The following SCN11A variants were observed in gnomAD, a reference collection of about 807,000 sequenced individuals.
SCN11A encodes the protein sodium voltage-gated channel alpha subunit 11, also known as sodium channel protein type 11 subunit alpha.
Under a neutral mutation model 162.2 loss-of-function variants are expected in SCN11A, and 122 were observed. The observed-to-expected ratio is 0.75, with a 90% CI of 0.65 to 0.87. The LOEUF (loss-of-function observed/expected upper bound fraction) is 0.87. Among genes scored for constraint, SCN11A ranks in the 40% least tolerant of loss-of-function variants. The pLI is 0.00. For synonymous variants in SCN11A, 758 were observed against 751.5 expected, an observed-to-expected ratio of 1.01 and a Z score of -0.14; for missense variants, 2,015 against 2,181.6, an observed-to-expected ratio of 0.92 and a Z score of 1.52.
intron 3 of SCN11A, among the ~76,000 whole-genome samples, chr3:38,956,423 A>G (rs1025583890): frequency 2.6e-5 from 4 of 152,180 alleles, no homozygotes; most frequent in African/African-American, 9.7e-5. Flanking sequence ...TCAAAATAAG[A>G]CGTACTTCAA....
intron 26 of SCN11A, 125 bp downstream of exon 26, chr3:38,870,566 C>T (rs2065108981): frequency 1.4e-6 from 1 of 732,580 alleles, no homozygotes; most frequent in South Asian, 2.0e-5. Context: ...GTGTTTTGTT[C>T]CAAAGAAAAC....
In SCN11A at chr3:38,910,198, G is replaced by A; in HGVS notation, c.969C>T (p.Ser323=). 2 of 1,612,418 alleles carry A rather than the reference G, an allele frequency of 1.2e-6. No homozygotes were observed. Among genetic ancestry groups the A allele is most frequent in the Non-Finnish European group, 1.7e-6 (2 of 1,179,064 alleles). Residue 323 remains serine, a synonymous_variant, in exon 12 of 30, where the codon TCC becomes TCT. Transcript: ENST00000302328. Reference sequence around the variant, plus strand: ...TGGTGTGCTTACATTCATATTGTATGGAACAGGCACTAGATATTGGAAACA... The same window carrying A: ...TGGTGTGCTTACATTCATATTGTATAGAACAGGCACTAGATATTGGAAACA... ...CGIWMGNSAC[S]IQYECKHTKI... is the part of the protein sequence containing the mutation.
intron 7 of SCN11A, among the ~76,000 whole-genome samples, chr3:38,936,644 C>T (rs1209610582): frequency 6.6e-6 from 1 of 151,498 alleles, no homozygotes; most frequent in Non-Finnish European, 1.5e-5. Flanking sequence ...GAATAAAATA[C>T]CTAGGAATCC....
At chr3:38,848,165 A>G (rs4284929) in intron 29 of SCN11A, among the ~76,000 whole-genome samples, 35,128 of 152,140 alleles carry the variant, frequency 0.23, 4,184 homozygotes, top group Non-Finnish European at 0.25. Context: ...AAGGGACACA[A>G]TTTGGAGATA....
intron 1 of SCN11A, among the ~76,000 whole-genome samples, chr3:39,045,354 G>A (rs1439939952): frequency 2.6e-5 from 4 of 152,014 alleles, no homozygotes; most frequent in Non-Finnish European, 4.4e-5. Context: ...GAAAGCTACA[G>A]GTCAATATCC....
At chr3:38,931,725 C>A (rs947101064) in intron 7 of SCN11A, among the ~76,000 whole-genome samples, 1 of 152,156 alleles carries the variant, frequency 6.6e-6, no homozygotes, top group Admixed American at 6.5e-5. Context: ...AGTCCCCAGT[C>A]CTACTCCCCA....
At chr3:38,965,744 T>C (rs1017838395) in intron 2 of SCN11A, among the ~76,000 whole-genome samples, 3 of 152,134 alleles carry the variant, frequency 2.0e-5, no homozygotes, top group African/African-American at 4.8e-5. Context: ...GTCTTAAGAA[T>C]TGCAATTTGG....
intron 3 of SCN11A, among the ~76,000 whole-genome samples, chr3:38,956,812 T>C (rs1338300186): frequency 3.3e-5 from 5 of 152,058 alleles, no homozygotes; most frequent in Non-Finnish European, 7.4e-5. Context: ...AGAGAAAAAG[T>C]GAAGGGAAGA....
At chr3:39,004,588 A>T (rs1198520358) in intron 2 of SCN11A, among the ~76,000 whole-genome samples, 1 of 152,156 alleles carries the variant, frequency 6.6e-6, no homozygotes, top group African/African-American at 2.4e-5. Context: ...TAGGAATAGC[A>T]TTGAATCTGT....
At chr3:38,940,459 A>C (rs1044897728) in intron 7 of SCN11A, among the ~76,000 whole-genome samples, 9 of 152,336 alleles carry the variant, frequency 5.9e-5, no homozygotes, top group African/African-American at 2.2e-4. Flanking sequence ...GATAGTTAAA[A>C]AGTGTGGTTC....
intron 23 of SCN11A, among the ~76,000 whole-genome samples, chr3:38,872,747 T>C (rs2065150131): frequency 6.6e-6 from 1 of 152,178 alleles, no homozygotes; most frequent in African/African-American, 2.4e-5. Flanking sequence ...ATAGGAAATA[T>C]ACATTGACAT....
chr3:38,878,168 T>TAATAAATAAATAAATA (rs71085341), intron 23 of SCN11A, among the ~76,000 whole-genome samples: 104 of 148,382 alleles, frequency 7.0e-4, no homozygotes, highest in African/African-American at 2.3e-3. Context: ...TATTGAAATA[T>TAATAAATAAATAAATA]AATAAATAAA....
intron 2 of SCN11A, among the ~76,000 whole-genome samples, chr3:38,963,424 GAT>G (rs60520043): frequency 0.019 from 1,166 of 61,434 alleles, 44 homozygotes; most frequent in African/African-American, 0.029. Flanking sequence ...ATATGATGGA[GAT>G]ATATATATAT....
intron 8 of SCN11A, 28 bp from the exon 9 acceptor site, chr3:38,925,537 G>A (rs1346339684): frequency 2.0e-6 from 3 of 1,527,792 alleles, no homozygotes; most frequent in Non-Finnish European, 2.7e-6. Flanking sequence ...GGGAAGGCAT[G>A]GGCTTGCTCA....
intron 2 of SCN11A, among the ~76,000 whole-genome samples, chr3:39,003,431 T>C (rs752142791): frequency 6.6e-6 from 1 of 152,248 alleles, no homozygotes. Flanking sequence ...CAATCTGTCA[T>C]TGATGGGCAT....
intron 2 of SCN11A, among the ~76,000 whole-genome samples, chr3:39,028,788 A>G (rs1027266468): frequency 6.6e-6 from 1 of 152,210 alleles, no homozygotes; most frequent in African/African-American, 2.4e-5. Flanking sequence ...TAACTAATCC[A>G]GTCCCGTTGG....
At chr3:38,864,662 T>C (rs980536833) in intron 27 of SCN11A, among the ~76,000 whole-genome samples, 3 of 152,166 alleles carry the variant, frequency 2.0e-5, no homozygotes, top group African/African-American at 7.2e-5. Flanking sequence ...ACAATGACAA[T>C]GAGCATTCTA....
Position 38,847,665 on chromosome 3 carries a change from G to T in SCN11A, c.4405C>A (p.Arg1469=), listed in dbSNP as rs144285862. 629 of 1,613,692 alleles carry T rather than the reference G, an allele frequency of 3.9e-4. No homozygotes were observed. The highest frequency in any genetic ancestry group is 5.1e-4 in the Non-Finnish European group (602 of 1,179,770). Residue 1469 remains arginine, a synonymous_variant, in exon 30 of 30, where the codon CGG becomes AGG. Transcript: ENST00000302328. ...ACAAGCCTCAGGATTCGGCCAATCC[G>T]AGCCAAGCGGACAATTCTGAAGAGC... The part of the protein sequence containing the change: ...PTLFRIVRLA[R]IGRILRLVRA...
intron 2 of SCN11A, among the ~76,000 whole-genome samples, chr3:39,017,149 G>C (rs188921604): frequency 6.6e-6 from 1 of 152,230 alleles, no homozygotes; most frequent in Admixed American, 6.5e-5. Flanking sequence ...ATACACAAGA[G>C]AGCTTGCTTC....
Sources: gnomAD v4.1 joint callset for allele counts (sites outside exome capture counted in the v4.1 genomes callset) on GRCh38, gnomAD v4.1.1 for gene constraint, MANE v1.5 for transcripts, NCBI Gene and HGNC (gene_info 2026-07-23, HGNC 2026-07-21) for gene names.